The following TFEC variants were observed in gnomAD, a reference collection of about 807,000 sequenced individuals.
TFEC encodes the protein transcription factor EC, also known as class E basic helix-loop-helix protein 34.
Under a neutral mutation model 41.6 loss-of-function variants are expected in TFEC, and 31 were observed. The observed-to-expected ratio is 0.74, with a 90% CI of 0.56 to 1.01. The LOEUF is 1.01. TFEC is among the 50% of genes least tolerant of loss of function. The pLI is 0.00. For missense variants in TFEC, 402 were observed against 404.1 expected (o/e 0.99, Z 0.04); for synonymous variants, 143 against 140.6 (o/e 1.02, Z -0.12).
At chr7:116,031,057 A>G (rs1213952903), upstream of TFEC, among the ~76,000 whole-genome samples, 2 of 152,180 alleles carry the variant, frequency 1.3e-5, no homozygotes, top group African/African-American at 2.4e-5. Context: ...CATGGTTGTT[A>G]TCATAATGGA....
intron 2 of TFEC, among the ~76,000 whole-genome samples, chr7:115,983,730 C>T (rs562790429): frequency 5.9e-5 from 9 of 151,942 alleles, no homozygotes; most frequent in Non-Finnish European, 1.0e-4. Flanking sequence ...CTCTAAATTT[C>T]GGTTATTTAG....
chr7:116,016,130 G>A (rs1279062099), intron 1 of TFEC, among the ~76,000 whole-genome samples: 1 of 152,168 alleles, frequency 6.6e-6, no homozygotes, highest in African/African-American at 2.4e-5. Context: ...GTAGGATAGA[G>A]TTTCAAGAAA....
chr7:116,032,919 T>C (rs551920005), upstream of TFEC, among the ~76,000 whole-genome samples: 2 of 152,214 alleles, frequency 1.3e-5, no homozygotes, highest in East Asian at 3.9e-4. Context: ...AAACCAAACT[T>C]TTAGTATAGT....
chr7:116,085,220 AAGAT>A (rs1797175993), intron 3 of TFEC, among the ~76,000 whole-genome samples: 1 of 151,910 alleles, frequency 6.6e-6, no homozygotes, highest in Non-Finnish European at 1.5e-5. Flanking sequence ...CTAGATTAGA[AAGAT>A]AGATAGAAAC....
chr7:116,077,860 A>G (rs545532397), intron 3 of TFEC, among the ~76,000 whole-genome samples: 1 of 152,168 alleles, frequency 6.6e-6, no homozygotes, highest in African/African-American at 2.4e-5. Flanking sequence ...ACAGCACTAG[A>G]TAGGTCATCA....
At chr7:116,015,569 T>C (rs1795158307) in intron 1 of TFEC, among the ~76,000 whole-genome samples, 1 of 151,546 alleles carries the variant, frequency 6.6e-6, no homozygotes, top group Non-Finnish European at 1.5e-5. Flanking sequence ...CAGGCAATAA[T>C]ATAAAGGGGG....
At chr7:116,013,229 T>G (rs1795068108) in intron 1 of TFEC, among the ~76,000 whole-genome samples, 1 of 152,102 alleles carries the variant, frequency 6.6e-6, no homozygotes, top group Middle Eastern at 3.2e-3. Flanking sequence ...TTCTTGAATT[T>G]TTGTGTTTTA....
intron 3 of TFEC, among the ~76,000 whole-genome samples, chr7:116,072,796 G>A (rs1336192999): frequency 6.6e-6 from 1 of 151,300 alleles, no homozygotes; most frequent in Non-Finnish European, 1.5e-5. Flanking sequence ...AAGAAACTAG[G>A]AATCAAAGGG....
intron 1 of TFEC, among the ~76,000 whole-genome samples, chr7:116,011,440 T>C: frequency 6.6e-6 from 1 of 152,144 alleles, no homozygotes; most frequent in East Asian, 1.9e-4. Flanking sequence ...AAATTGTTTA[T>C]TCTTTTTATA....
intron 1 of TFEC, among the ~76,000 whole-genome samples, chr7:115,991,629 G>A (rs551100826): frequency 6.6e-6 from 1 of 152,128 alleles, no homozygotes; most frequent in Admixed American, 6.5e-5. Flanking sequence ...AGACAAAGAA[G>A]GCCATTACAT....
At chr7:116,016,128 G>A (rs778726430) in intron 1 of TFEC, among the ~76,000 whole-genome samples, 10 of 152,188 alleles carry the variant, frequency 6.6e-5, no homozygotes, top group Non-Finnish European at 1.5e-4. Context: ...ATGTAGGATA[G>A]AGTTTCAAGA....
In TFEC at chr7:116,027,094, G is replaced by C. The variant is rs138062487; in HGVS notation, c.-73+3539C>G. Among the ~76,000 whole-genome samples the C allele has an allele frequency of 5.0e-3, 755 of 152,258 alleles. 10 individuals are homozygous for C. The highest frequency in any genetic ancestry group is 0.016 in the African/African-American group (650 of 41,546). ...CATTTGAGTCTACACAGGGTCAAAG[G>C]GAACAGAGTGTTAACATATTAGCCC... On this transcript the variant is annotated intron_variant, in intron 1 of 7. Transcript: ENST00000265440.
chr7:115,947,546 A>G (rs188286670), intron 6 of TFEC, among the ~76,000 whole-genome samples: 1 of 151,764 alleles, frequency 6.6e-6, no homozygotes, highest in East Asian at 2.0e-4. Context: ...ACAGGGTAAA[A>G]GTGTTCCTAT....
rs932592030 is a variant in TFEC, at chr7:116,042,053, C to G, written c.199-57540G>C. Among the ~76,000 whole-genome samples, 4 of 147,558 alleles carry G rather than the reference C, an allele frequency of 2.7e-5. No individual in the cohort carries two copies. In the Admixed American group the frequency reaches 2.7e-4, roughly 10 times the overall value. On this transcript the variant is annotated intron_variant, in intron 3 of 8. Transcript: ENST00000484212. ...AGTGGTGGAAGTGGTGCCTAGTAAC[C>G]TTAATTTTAAAGAAAAAAAAACAGG...
intron 3 of TFEC, among the ~76,000 whole-genome samples, chr7:116,083,147 G>A (rs891502094): frequency 1.3e-5 from 2 of 151,732 alleles, no homozygotes; most frequent in African/African-American, 4.8e-5. Flanking sequence ...GCATTAATTA[G>A]TATTTGACTA....
intron 3 of TFEC, among the ~76,000 whole-genome samples, chr7:115,959,899 T>C (rs1792441653): frequency 6.6e-6 from 1 of 151,312 alleles, no homozygotes; most frequent in Non-Finnish European, 1.5e-5. Flanking sequence ...AACAGGAGTT[T>C]CGAAAAGAGA....
chr7:115,974,023 G>T, intron 3 of TFEC, 147 bp downstream of exon 3: 1 of 585,754 alleles, frequency 1.7e-6, no homozygotes, highest in Non-Finnish European at 2.9e-6. Context: ...CTTTTTTTCT[G>T]CACCAATAAA....
At chr7:116,017,382 G>A (rs1203057464) in intron 1 of TFEC, among the ~76,000 whole-genome samples, 1 of 151,996 alleles carries the variant, frequency 6.6e-6, no homozygotes, top group Non-Finnish European at 1.5e-5. Context: ...CACCACCGCA[G>A]CTGGCTAATT....
At chr7:115,984,152 T>A in intron 2 of TFEC, 110 bp downstream of exon 2, 1 of 1,328,544 alleles carries the variant, frequency 7.5e-7, no homozygotes, top group South Asian at 1.5e-5. Flanking sequence ...ACATTTCTTT[T>A]GTTACATTTG....
Sources: gnomAD v4.1 joint callset for allele counts (sites outside exome capture counted in the v4.1 genomes callset) on GRCh38, gnomAD v4.1.1 for gene constraint, MANE v1.5 for transcripts, NCBI Gene and HGNC (gene_info 2026-07-23, HGNC 2026-07-21) for gene names.